UBQLN1: variants seen among roughly 807,000 people sequenced by gnomAD.
UBQLN1 encodes ubiquilin 1, also known as ubiquilin-1.
In UBQLN1, 13 loss-of-function variants were observed where a neutral mutation model predicts 65.4. The observed-to-expected ratio is 0.20, with a 90% CI of 0.13 to 0.32. UBQLN1 has a LOEUF of 0.32. UBQLN1 is among the 10% of genes least tolerant of loss of function. UBQLN1 has a pLI of 1.00. For synonymous variants in UBQLN1, 267 were observed against 247.8 expected (o/e 1.08, Z -0.73); for missense variants, 561 against 724.0 (o/e 0.77, Z 2.58).
At chr9:83,662,472 A>G (rs1045957168) in intron 10 of UBQLN1, among the ~76,000 whole-genome samples, 5 of 152,152 alleles carry the variant, frequency 3.3e-5, no homozygotes, top group Admixed American at 1.3e-4. Flanking sequence ...AAAGAGCTTC[A>G]GTTTCAGGCC....
Position 83,661,876 on chromosome 9 carries a change from T to C in UBQLN1, c.1681A>G (p.Asn561Asp). 1 of 1,614,090 alleles carries C rather than the reference T, an allele frequency of 6.2e-7. No homozygotes were observed. Among genetic ancestry groups the C allele is most frequent in the Non-Finnish European group, 8.5e-7 (1 of 1,179,964 alleles). The change falls in exon 11 of 11, where the codon AAC becomes GAC. Residue 561 changes from asparagine (N) to aspartate (D), a missense_variant. Transcript: ENST00000376395. ...AGAGCTTGCAAGTTTGCTTCACGGT[T>C]CAAAAATCCCATTGCACTGAGTTGT... ...LEQLSAMGFL[N>D]REANLQALIA...
intron 1 of UBQLN1, among the ~76,000 whole-genome samples, chr9:83,700,061 C>T (rs987740415): frequency 6.6e-6 from 1 of 152,194 alleles, no homozygotes; most frequent in Non-Finnish European, 1.5e-5. Context: ...TACCAACAAA[C>T]CACTCACTAT....
At chr9:83,703,195 T>C (rs897845249) in intron 1 of UBQLN1, among the ~76,000 whole-genome samples, 2 of 152,032 alleles carry the variant, frequency 1.3e-5, no homozygotes, top group Non-Finnish European at 2.9e-5. Flanking sequence ...AGGGACTTTG[T>C]GCCACTACAC....
intron 1 of UBQLN1, among the ~76,000 whole-genome samples, chr9:83,699,980 T>C (rs1383194796): frequency 6.6e-6 from 1 of 152,234 alleles, no homozygotes; most frequent in Admixed American, 6.5e-5. Flanking sequence ...TGAGAATATT[T>C]ACATCATGGA....
At chr9:83,703,304 C>A (rs892100939) in intron 1 of UBQLN1, among the ~76,000 whole-genome samples, 2 of 152,060 alleles carry the variant, frequency 1.3e-5, no homozygotes, top group Non-Finnish European at 2.9e-5. Flanking sequence ...TTTTTTAACA[C>A]CATGACATCA....
chr9:83,674,310 C>T (rs1053909358), intron 6 of UBQLN1, among the ~76,000 whole-genome samples: 2 of 152,032 alleles, frequency 1.3e-5, no homozygotes, highest in Admixed American at 1.3e-4. Context: ...GATGGCAAAA[C>T]TTGTGTTTCT....
intron 2 of UBQLN1, 67 bp from the exon 3 acceptor site, chr9:83,683,133 C>A: frequency 2.5e-6 from 3 of 1,187,252 alleles, no homozygotes; most frequent in Non-Finnish European, 2.5e-6. Flanking sequence ...CCACCAAAGG[C>A]CAGGCACAGT....
chr9:83,680,685 G>T (rs1388181994), intron 3 of UBQLN1, among the ~76,000 whole-genome samples: 1 of 152,120 alleles, frequency 6.6e-6, no homozygotes, highest in Non-Finnish European at 1.5e-5. Context: ...TATCTTCCAA[G>T]CATTTGTCTG....
chr9:83,707,914 C>T lies in UBQLN1; in HGVS notation c.-235G>A. ...GCAGCCGCCGTGTGTTCAGGCGCCG[C>T]TCGCTCACACCGACATCCGCAGCAG... On this transcript the variant is annotated 5_prime_UTR_variant, in exon 1 of 11. Coordinates refer to ENST00000376395, the MANE Select transcript of UBQLN1 (RefSeq NM_013438.5). 1 of 536,488 alleles carries T rather than the reference C, an allele frequency of 1.9e-6. No individual in the cohort carries two copies. The highest frequency in any genetic ancestry group is 3.1e-6 in the Non-Finnish European group (1 of 318,206). The allele number at this position is 536,488 out of a possible 1,614,324, so 33.2% of individuals were successfully genotyped here. A position where few individuals can be genotyped will look rare whatever the true frequency, so the allele number is the denominator to read the frequency against.
At chr9:83,664,783 G>C in intron 9 of UBQLN1, among the ~76,000 whole-genome samples, 1 of 151,176 alleles carries the variant, frequency 6.6e-6, no homozygotes, top group Non-Finnish European at 1.5e-5. Flanking sequence ...GCTAGGTGTG[G>C]TGGTGCACAC....
rs186531183 is a variant in UBQLN1, at chr9:83,668,545, C to T, written c.1248+640G>A. ...CTCAAAATCTCTAAGGATGAGGCCC[C>T]AACCATCGGTACTGTCTATAAAGCT... is the stretch of plus-strand genomic sequence containing the variant. On this transcript the variant is annotated intron_variant, in intron 7 of 10. Coordinates refer to ENST00000376395, the MANE Select transcript of UBQLN1 (RefSeq NM_013438.5). The T allele has an allele frequency of 1.5e-5, 15 of 985,400 alleles. No individual in the cohort carries two copies. In the Admixed American group the frequency reaches 2.5e-4, roughly 16 times the overall value. The allele number at this position is 985,400 out of a possible 1,614,324, so 61.0% of individuals were successfully genotyped here.
At chr9:83,688,071 T>G (rs1406592803) in intron 1 of UBQLN1, among the ~76,000 whole-genome samples, 6 of 152,180 alleles carry the variant, frequency 3.9e-5, no homozygotes, top group Admixed American at 3.9e-4. Context: ...ATTAGACATC[T>G]CATTTTTCCC....
At position 83,707,528 on chromosome 9, in the gene UBQLN1, G is replaced by A. The variant is rs1832433333; in HGVS notation, c.152C>T (p.Ala51Val). ...VKTPKEKEEF[A>V]VPENSSVQQF... ...CTGGACGGAGCTATTCTCGGGCACG[G>A]CGAATTCCTCCTTTTCCTTCGGGGT... The change falls in exon 1 of 11, where the codon GCC becomes GTC. Residue 51 changes from alanine (A) to valine (V), a missense_variant. Physicochemically the swap from Ala to Val is moderately conservative, Grantham distance 64. This residue lies in a region of UBQLN1 where 101 missense variants were observed against 104.9 expected (regional missense o/e 0.96). Transcript: ENST00000376395. The A allele has an allele frequency of 6.2e-7, 1 of 1,611,338 alleles. No individual in the cohort carries two copies. The highest frequency in any genetic ancestry group is 8.5e-7 in the Non-Finnish European group (1 of 1,178,814).
intron 1 of UBQLN1, among the ~76,000 whole-genome samples, chr9:83,689,640 A>G (rs1337635279): frequency 6.6e-6 from 1 of 152,256 alleles, no homozygotes; most frequent in Non-Finnish European, 1.5e-5. Context: ...AAAGATAACA[A>G]GAAATCAAGT....
intron 1 of UBQLN1, among the ~76,000 whole-genome samples, chr9:83,706,238 A>C (rs938683317): frequency 2.6e-5 from 4 of 152,230 alleles, no homozygotes; most frequent in African/African-American, 9.6e-5. Flanking sequence ...TTGCTCCCCA[A>C]AATTAAATGA....
At chr9:83,700,772 C>CA (rs2131188047) in intron 1 of UBQLN1, among the ~76,000 whole-genome samples, 1 of 152,232 alleles carries the variant, frequency 6.6e-6, no homozygotes, top group South Asian at 2.1e-4. Flanking sequence ...TCAATGTAGT[C>CA]AGCCAAGCAA....
At chr9:83,680,131 G>A (rs941687829) in intron 3 of UBQLN1, 94 bp from the exon 4 acceptor site, 1 of 1,244,830 alleles carries the variant, frequency 8.0e-7, no homozygotes, top group African/African-American at 1.5e-5. Context: ...AGTATTAGCT[G>A]ACCCAATAGT....
chr9:83,677,167 G>A (rs1278364780), intron 6 of UBQLN1, among the ~76,000 whole-genome samples: 1 of 152,146 alleles, frequency 6.6e-6, no homozygotes, highest in Non-Finnish European at 1.5e-5. Flanking sequence ...ACAAAACCAG[G>A]CTAAAGACAG....
chr9:83,679,043 G>A (rs11140211), intron 4 of UBQLN1, among the ~76,000 whole-genome samples: 6 of 152,144 alleles, frequency 3.9e-5, no homozygotes, highest in Non-Finnish European at 8.8e-5. Flanking sequence ...TTTTGGACCA[G>A]CCTCCTGCAC....
Sources: gnomAD v4.1 joint callset for allele counts (sites outside exome capture counted in the v4.1 genomes callset) on GRCh38, gnomAD v4.1.1 for gene constraint, gnomAD v4.1.1 regional missense constraint, MANE v1.5 for transcripts, NCBI Gene and HGNC (gene_info 2026-07-23, HGNC 2026-07-21) for gene names.